Variants in GYS2 observed in about 807,000 individuals in gnomAD.
The protein encoded by GYS2 is glycogen [starch] synthase, liver.
GYS2 carries 80 observed loss-of-function variants against 85.6 expected under a neutral mutation model. The observed-to-expected ratio is 0.93, with a 90% CI of 0.78 to 1.13. The LOEUF (loss-of-function observed/expected upper bound fraction) is 1.13, where lower values mean the gene tolerates loss of function less well. Ranked by LOEUF, GYS2 falls within the 50% of genes most tolerant of loss-of-function variation. The pLI is 0.00. For missense variants in GYS2, 881 were observed against 854.9 expected, an observed-to-expected ratio of 1.03 and a Z score of -0.38; for synonymous variants, 328 against 300.7, an observed-to-expected ratio of 1.09 and a Z score of -0.94.
chr12:21,574,410 G>A, intron 3 of GYS2, 84 bp from the exon 4 acceptor site: 1 of 1,032,214 alleles, frequency 9.7e-7, no homozygotes, highest in Non-Finnish European at 1.5e-6. Context: ...GTGGAGTTAT[G>A]GTGTCTATAA....
intron 11 of GYS2, among the ~76,000 whole-genome samples, chr12:21,554,761 T>A (rs1944157745): frequency 1.3e-5 from 2 of 152,180 alleles, no homozygotes; most frequent in South Asian, 4.1e-4. Flanking sequence ...TCAGAAGAGA[T>A]GATAACATCA....
intron 1 of GYS2, among the ~76,000 whole-genome samples, chr12:21,599,346 A>G (rs1042763616): frequency 1.3e-5 from 2 of 152,156 alleles, no homozygotes; most frequent in Non-Finnish European, 1.5e-5. Context: ...ATTAGGTGCT[A>G]CTTGTGACAA....
intron 1 of GYS2, among the ~76,000 whole-genome samples, chr12:21,591,199 G>A (rs1944635090): frequency 6.6e-6 from 1 of 151,984 alleles, no homozygotes; most frequent in Non-Finnish European, 1.5e-5. Flanking sequence ...TATTAAGGAA[G>A]CTCAGTGAGA....
At chr12:21,565,433 A>ATG (rs1944307637) in intron 5 of GYS2, among the ~76,000 whole-genome samples, 1 of 113,658 alleles carries the variant, frequency 8.8e-6, no homozygotes, top group South Asian at 3.1e-4. Context: ...ATATATATAT[A>ATG]TGGATGTTAC....
intron 4 of GYS2, among the ~76,000 whole-genome samples, chr12:21,570,836 G>T (rs1289445536): frequency 3.3e-5 from 5 of 152,204 alleles, no homozygotes; most frequent in African/African-American, 1.2e-4. Context: ...TTATTTAGAG[G>T]TGTGGTAAAG....
intron 1 of GYS2, among the ~76,000 whole-genome samples, chr12:21,586,779 A>G (rs1188043013): frequency 6.6e-6 from 1 of 152,182 alleles, no homozygotes; most frequent in Non-Finnish European, 1.5e-5. Flanking sequence ...TTCTTAAAGA[A>G]CTAGAAACAG....
chr12:21,559,886 A>G (rs1944230857), intron 8 of GYS2, among the ~76,000 whole-genome samples, 176 bp from the exon 9 acceptor site: 1 of 152,164 alleles, frequency 6.6e-6, no homozygotes, highest in Non-Finnish European at 1.5e-5. Context: ...GCTTAAGTTG[A>G]CATCTCCAGA....
chr12:21,575,938 G>C lies in GYS2; in HGVS notation c.423C>G (p.Gly141=). 1.2e-6 allele frequency: 2 copies of C among 1,613,858 alleles called. No individual in the cohort carries two copies. The highest frequency in any genetic ancestry group is 1.7e-6 in the Non-Finnish European group (2 of 1,179,804). Residue 141 remains glycine, a synonymous_variant, in exon 3 of 16, where the codon GGC becomes GGG. Transcript: ENST00000261195. ...TGGCTTCTCGGTCATGATAAGGAATGCCGACACTGCATGCTTCCCAGAGGT... is the reference window on the plus strand; with the variant it reads ...TGGCTTCTCGGTCATGATAAGGAATCCCGACACTGCATGCTTCCCAGAGGT... ...KGDLWEACSV[G]IPYHDREAND... is the part of the protein sequence containing the mutation.
At chr12:21,602,020 T>C (rs1279279206) in intron 1 of GYS2, among the ~76,000 whole-genome samples, 1 of 152,130 alleles carries the variant, frequency 6.6e-6, no homozygotes, top group Non-Finnish European at 1.5e-5. Context: ...CAGCAAGGGA[T>C]TCTTCTCCTA....
chr12:21,598,671 A>T (rs1171282040), intron 1 of GYS2, among the ~76,000 whole-genome samples: 1 of 152,170 alleles, frequency 6.6e-6, no homozygotes, highest in Non-Finnish European at 1.5e-5. Flanking sequence ...GGTATAAACC[A>T]AGGAGATTTA....
chr12:21,575,795 A>C (rs1944438087), intron 3 of GYS2, 71 bp downstream of exon 3: 7 of 1,160,868 alleles, frequency 6.0e-6, no homozygotes, highest in Admixed American at 5.0e-5. Context: ...TTTAAAGATC[A>C]TGGGATCATT....
chr12:21,582,604 GAT>G (rs1565608531), intron 1 of GYS2, among the ~76,000 whole-genome samples: 7 of 55,258 alleles, frequency 1.3e-4, no homozygotes, highest in South Asian at 4.2e-4. Context: ...GATAGATATA[GAT>G]ATAGATATAG....
At chr12:21,571,610 A>G (rs2136898854) in intron 4 of GYS2, among the ~76,000 whole-genome samples, 1 of 151,944 alleles carries the variant, frequency 6.6e-6, no homozygotes, top group South Asian at 2.1e-4. Context: ...TTCCTTCCCC[A>G]TTTTCCAATC....
chr12:21,537,009 G>GA lies in GYS2; in HGVS notation c.2056dup (p.Ser686PhefsTer15). The GA allele has an allele frequency of 6.2e-7, 1 of 1,613,992 alleles. No homozygotes were observed. The highest frequency in any genetic ancestry group is 8.5e-7 in the Non-Finnish European group (1 of 1,179,918). On this transcript the variant is annotated frameshift_variant, in exon 16 of 16. Transcript: ENST00000261195. LOFTEE classifies it high-confidence loss of function. ...CTTCCCATGAGGAACGTGGCTCAGT[G>GA]AAAATGGTGACTTGATATTTAACCG...
intron 1 of GYS2, among the ~76,000 whole-genome samples, chr12:21,595,143 GAT>G (rs1320640486): frequency 2.0e-5 from 3 of 152,160 alleles, no homozygotes; most frequent in African/African-American, 7.2e-5. Context: ...AACTTCTCAG[GAT>G]CTTGGCGGAT....
intron 11 of GYS2, among the ~76,000 whole-genome samples, chr12:21,547,005 G>A (rs6487238): frequency 0.69 from 104,975 of 151,918 alleles, 37,846 homozygotes; most frequent in South Asian, 0.8. Context: ...TCCTCTCTCA[G>A]CTAGAGACCA....
chr12:21,541,787 C>T (rs555777237), intron 13 of GYS2, among the ~76,000 whole-genome samples: 8 of 152,010 alleles, frequency 5.3e-5, no homozygotes, highest in Non-Finnish European at 1.0e-4. Flanking sequence ...GCTTGGTGTA[C>T]AAATGATCCC....
downstream of GYS2, among the ~76,000 whole-genome samples, chr12:21,535,927 C>T (rs367928334): frequency 6.6e-6 from 1 of 152,192 alleles, no homozygotes; most frequent in Non-Finnish European, 1.5e-5. Context: ...AATCATTCAT[C>T]TATGACTCTA....
At position 21,540,477 on chromosome 12, in the gene GYS2, T is replaced by C. The variant is rs747418316; in HGVS notation, c.1742A>G (p.Gln581Arg). ...LYGFCKQSRR[Q>R]RIIQRNRTER... ...AGTTCTGTTCCTCTGGATAATCCTTTGGCGGCGTGACTGTTTGCAAAATCC... is the reference window on the plus strand; with the variant it reads ...AGTTCTGTTCCTCTGGATAATCCTTCGGCGGCGTGACTGTTTGCAAAATCC... The change falls in exon 14 of 16, where the codon CAA (glutamine) becomes CGA (arginine). Residue 581 changes from glutamine to arginine, a missense_variant. Gln to Arg is a conservative substitution (Grantham distance 43, BLOSUM62 1). Coordinates refer to ENST00000261195, the MANE Select transcript of GYS2 (RefSeq NM_021957.4). The C allele has an allele frequency of 1.2e-6, 2 of 1,614,016 alleles. No homozygotes were observed. Among genetic ancestry groups the C allele is most frequent in the Non-Finnish European group, 1.7e-6 (2 of 1,179,934 alleles).
Sources: gnomAD v4.1 joint callset for allele counts (sites outside exome capture counted in the v4.1 genomes callset) on GRCh38, gnomAD v4.1.1 for gene constraint, MANE v1.5 for transcripts, NCBI Gene and HGNC (gene_info 2026-07-23, HGNC 2026-07-21) for gene names.